The following ZNF704 variants were observed in gnomAD, a reference collection of about 807,000 sequenced individuals.
ZNF704 encodes the protein glucocorticoid induced gene 1.
Under a neutral mutation model 44.7 loss-of-function variants are expected in ZNF704, and 10 were observed. The ratio of observed to expected loss-of-function variants is 0.22; its 90% CI spans 0.14 to 0.38. ZNF704 has a LOEUF of 0.38. Among genes scored for constraint, ZNF704 ranks in the 10% least tolerant of loss-of-function variants. The probability of loss-of-function intolerance (pLI) is 1.00; values close to 1 mark genes in which losing one functional copy is unlikely to be tolerated. For synonymous variants in ZNF704, 211 were observed against 207.6 expected, an observed-to-expected ratio of 1.02 and a Z score of -0.14; for missense variants, 390 against 545.5, an observed-to-expected ratio of 0.71 and a Z score of 2.84.
intron 1 of ZNF704, among the ~76,000 whole-genome samples, chr8:80,850,033 T>C (rs1808831429): frequency 6.6e-6 from 1 of 152,214 alleles, no homozygotes; most frequent in Non-Finnish European, 1.5e-5. Flanking sequence ...TCATATGTAA[T>C]GGTAACTTTT....
intron 6 of ZNF704, among the ~76,000 whole-genome samples, chr8:80,662,141 T>G (rs565105909): frequency 6.6e-6 from 1 of 152,248 alleles, no homozygotes; most frequent in East Asian, 1.9e-4. Context: ...GTTCATGATA[T>G]ATTAAATAGA....
chr8:80,852,062 G>A (rs367791804), intron 1 of ZNF704, among the ~76,000 whole-genome samples: 2 of 152,180 alleles, frequency 1.3e-5, no homozygotes, highest in African/African-American at 4.8e-5. Flanking sequence ...CCCACTCACA[G>A]ATCAACAGCT....
intron 2 of ZNF704, 64 bp from the exon 3 acceptor site, chr8:80,693,171 G>A: frequency 7.3e-7 from 1 of 1,370,816 alleles, no homozygotes; most frequent in Middle Eastern, 1.8e-4. Flanking sequence ...CACACAAGGT[G>A]TGACACGCTG....
At chr8:80,861,671 C>CT in intron 1 of ZNF704, among the ~76,000 whole-genome samples, 1 of 151,912 alleles carries the variant, frequency 6.6e-6, no homozygotes, top group South Asian at 2.1e-4. Context: ...TCCCAGTCAC[C>CT]TTCCCTTCTC....
chr8:80,853,581 T>C (rs1808907748), intron 1 of ZNF704, among the ~76,000 whole-genome samples: 1 of 151,342 alleles, frequency 6.6e-6, no homozygotes, highest in Non-Finnish European at 1.5e-5. Flanking sequence ...ACAACGAAAC[T>C]ATAGAAATCA....
chr8:80,804,205 A>G (rs1476140665), intron 2 of ZNF704, among the ~76,000 whole-genome samples: 1 of 152,210 alleles, frequency 6.6e-6, no homozygotes, highest in African/African-American at 2.4e-5. Context: ...GCAGAGAAAA[A>G]GGAATGCTTT....
chr8:80,724,037 C>T (rs565791463), intron 2 of ZNF704, among the ~76,000 whole-genome samples: 2 of 152,272 alleles, frequency 1.3e-5, no homozygotes, highest in African/African-American at 2.4e-5. Flanking sequence ...ATTATATTTA[C>T]GCAAGTAATG....
At chr8:80,678,383 T>A (rs1046012426) in intron 4 of ZNF704, among the ~76,000 whole-genome samples, 7 of 152,234 alleles carry the variant, frequency 4.6e-5, no homozygotes, top group Non-Finnish European at 8.8e-5. Flanking sequence ...ATATCTCATC[T>A]CACATTTATT....
At chr8:80,767,640 T>C (rs1428026603) in intron 2 of ZNF704, among the ~76,000 whole-genome samples, 2 of 152,234 alleles carry the variant, frequency 1.3e-5, no homozygotes, top group Non-Finnish European at 2.9e-5. Context: ...AACTATATAA[T>C]GCTTTGGCTA....
At chr8:80,851,200 A>T (rs1586074800) in intron 1 of ZNF704, among the ~76,000 whole-genome samples, 1 of 152,268 alleles carries the variant, frequency 6.6e-6, no homozygotes, top group South Asian at 2.1e-4. Context: ...ATACCATTTG[A>T]CCCAGCCATC....
At chr8:80,818,522 C>G (rs1246409008) in intron 2 of ZNF704, among the ~76,000 whole-genome samples, 1 of 152,040 alleles carries the variant, frequency 6.6e-6, no homozygotes, top group Non-Finnish European at 1.5e-5. Flanking sequence ...CTCTGGATTA[C>G]TTATAATATC....
intron 2 of ZNF704, among the ~76,000 whole-genome samples, chr8:80,729,618 T>A (rs1205815339): frequency 6.6e-6 from 1 of 152,052 alleles, no homozygotes; most frequent in East Asian, 1.9e-4. Flanking sequence ...TTTTTTGAAG[T>A]TTTTTCACCA....
chr8:80,700,533 A>G (rs1194497130), intron 2 of ZNF704, among the ~76,000 whole-genome samples: 1 of 152,226 alleles, frequency 6.6e-6, no homozygotes, highest in East Asian at 1.9e-4. Context: ...TCTTTTACCT[A>G]AAACTGTTAT....
rs1818553999 is a variant in ZNF704 at position 80,687,276 on chromosome 8, C to T, written c.508G>A (p.Ala170Thr). The T allele has an allele frequency of 1.2e-6, 2 of 1,613,098 alleles. No individual in the cohort carries two copies. The highest frequency in any genetic ancestry group is 1.3e-5 in the African/African-American group (1 of 74,926). ...TCGAAGAGCAGGTTGCTGGCCTCCG[C>T]CTCGTCGATGCCGTCGTCTGGCTGC... is the stretch of plus-strand genomic sequence containing the variant. ...PAQPDDGIDE[A>T]EASNLLFDEP... Residue 170 changes from alanine (A) to threonine (T), a missense_variant, in exon 4 of 9, where the codon GCG becomes ACG. Ala to Thr is a moderately conservative substitution (Grantham distance 58, BLOSUM62 0). Around this residue, in one of 3 missense-constraint regions of ZNF704, gnomAD observed 305 missense variants for 435.7 expected, o/e 0.70. Coordinates refer to ENST00000327835, the MANE Select transcript of ZNF704 (RefSeq NM_001033723.3).
At chr8:80,821,061 A>G (rs1808261375) in intron 2 of ZNF704, among the ~76,000 whole-genome samples, 1 of 152,264 alleles carries the variant, frequency 6.6e-6, no homozygotes, top group Admixed American at 6.5e-5. Flanking sequence ...TACTTAATGT[A>G]TGCTCAGTCC....
upstream of ZNF704, among the ~76,000 whole-genome samples, chr8:80,876,085 T>C (rs1223182709): frequency 2.6e-5 from 4 of 152,338 alleles, no homozygotes; most frequent in African/African-American, 9.6e-5. Context: ...CAGCATTTTG[T>C]GACTTCAAAA....
intron 4 of ZNF704, among the ~76,000 whole-genome samples, chr8:80,680,323 T>C (rs920402206): frequency 6.6e-6 from 1 of 152,000 alleles, no homozygotes; most frequent in Non-Finnish European, 1.5e-5. Context: ...CAGCCTGGAG[T>C]TAACGTCATG....
chr8:80,881,307 G>A, the ZNF704 span, among the ~76,000 whole-genome samples: 10 of 152,170 alleles, frequency 6.6e-5, no homozygotes, highest in South Asian at 4.1e-4. Flanking sequence ...AGTCTTTGAC[G>A]ATGTACAAAC....
intron 2 of ZNF704, among the ~76,000 whole-genome samples, chr8:80,711,396 C>T (rs947220991): frequency 6.6e-6 from 1 of 152,186 alleles, no homozygotes; most frequent in East Asian, 1.9e-4. Flanking sequence ...AATAGAGAAA[C>T]CCACTATGAA....
Sources: allele counts gnomAD v4.1 joint callset (sites outside exome capture counted in the v4.1 genomes callset), GRCh38; gene constraint gnomAD v4.1.1; regional missense constraint gnomAD v4.1.1; transcripts MANE v1.5; gene names NCBI Gene and HGNC (gene_info 2026-07-23, HGNC 2026-07-21).